Variants in FBN2 observed in about 807,000 individuals in gnomAD.
FBN2 encodes fibrillin 2.
A neutral mutation model predicts 355.6 loss-of-function variants in FBN2; 105 were observed. That is an observed-to-expected ratio of 0.30 (90% CI 0.25 to 0.35). FBN2 has a LOEUF of 0.35. Among genes scored for constraint, FBN2 ranks in the 10% least tolerant of loss-of-function variants. FBN2 has a pLI of 1.00. For missense variants in FBN2, 3,280 were observed against 3,758.7 expected, an observed-to-expected ratio of 0.87 and a Z score of 3.33; for synonymous variants, 1,350 against 1,301.2, an observed-to-expected ratio of 1.04 and a Z score of -0.81.
intron 5 of FBN2, among the ~76,000 whole-genome samples, chr5:128,508,424 G>A (rs150347863): frequency 6.6e-6 from 1 of 151,364 alleles, no homozygotes; most frequent in East Asian, 1.9e-4. Flanking sequence ...TGTATTTTTA[G>A]TGCTTACTCT....
chr5:128,495,402 A>T (rs1755628820), intron 5 of FBN2, among the ~76,000 whole-genome samples: 1 of 152,206 alleles, frequency 6.6e-6, no homozygotes, highest in Non-Finnish European at 1.5e-5. Flanking sequence ...TCAGAGAAAC[A>T]GCAGAAAACT....
At chr5:128,269,938 C>G (rs1425717132) in intron 62 of FBN2, among the ~76,000 whole-genome samples, 1 of 152,182 alleles carries the variant, frequency 6.6e-6, no homozygotes, top group Non-Finnish European at 1.5e-5. Flanking sequence ...TACCTGTCTT[C>G]AAAGTATACA....
intron 5 of FBN2, among the ~76,000 whole-genome samples, chr5:128,486,055 CA>C (rs146084000): frequency 6.6e-6 from 1 of 151,990 alleles, no homozygotes; most frequent in Non-Finnish European, 1.5e-5. Flanking sequence ...AGTTTAACTG[CA>C]AAAAAATCAG....
chr5:128,489,243 T>C (rs527866441), intron 5 of FBN2, among the ~76,000 whole-genome samples: 34 of 152,348 alleles, frequency 2.2e-4, no homozygotes, highest in African/African-American at 7.9e-4. Flanking sequence ...TAGAAATGAA[T>C]ATTTCTATGC....
rs149529304 is a variant in FBN2, at chr5:128,340,219, C to T, written c.3344-1158G>A. ...GTCAGTGGGGAAAAATGCCCCACTA[C>T]GATCTCTTTATTTTGATGAACTTAA... On this transcript the variant is annotated intron_variant, in intron 25 of 64. Coordinates refer to ENST00000262464, the MANE Select transcript of FBN2 (RefSeq NM_001999.4). Among the ~76,000 whole-genome samples the T allele has an allele frequency of 4.3e-3, 662 of 152,210 alleles. 5 individuals carry two copies. Among genetic ancestry groups the T allele is most frequent in the African/African-American group, 0.015 (620 of 41,544 alleles).
chr5:128,502,852 C>A (rs1581353613), intron 5 of FBN2, among the ~76,000 whole-genome samples: 1 of 152,102 alleles, frequency 6.6e-6, no homozygotes, highest in Admixed American at 6.5e-5. Flanking sequence ...CAGAAAATTC[C>A]TCTTCTTTAT....
intron 32 of FBN2, among the ~76,000 whole-genome samples, chr5:128,331,921 C>T (rs467610): frequency 0.3 from 45,278 of 151,744 alleles, 7,412 homozygotes; most frequent in East Asian, 0.69. Flanking sequence ...CATGGGGCTA[C>T]GAAAATGGGA....
intron 54 of FBN2, 96 bp downstream of exon 54, chr5:128,287,212 G>T: frequency 7.3e-7 from 1 of 1,368,810 alleles, no homozygotes; most frequent in Non-Finnish European, 1.0e-6. Context: ...TTTCTGTAAA[G>T]CTCTAGAAGA....
At chr5:128,509,220 G>A (rs1360426671) in intron 5 of FBN2, among the ~76,000 whole-genome samples, 1 of 152,040 alleles carries the variant, frequency 6.6e-6, no homozygotes, top group Non-Finnish European at 1.5e-5. Context: ...CTAAATATAT[G>A]TATTTAGTTT....
intron 8 of FBN2, among the ~76,000 whole-genome samples, chr5:128,408,409 A>G (rs1752985168): frequency 6.6e-6 from 1 of 152,188 alleles, no homozygotes; most frequent in South Asian, 2.1e-4. Context: ...AGCAGATTTT[A>G]AAAAATTTTT....
chr5:128,373,393 G>A (rs760627412), intron 15 of FBN2, among the ~76,000 whole-genome samples: 7 of 152,206 alleles, frequency 4.6e-5, no homozygotes, highest in East Asian at 1.9e-4. Context: ...TGACAACTTT[G>A]TAGGGTGAAA....
At chr5:128,522,940 GT>G (rs1210918084) in intron 4 of FBN2, among the ~76,000 whole-genome samples, 2 of 152,114 alleles carry the variant, frequency 1.3e-5, no homozygotes, top group African/African-American at 4.8e-5. Context: ...GTATGAGCTG[GT>G]TTCTTAGCTG....
chr5:128,440,955 T>C (rs1349605193), intron 7 of FBN2, among the ~76,000 whole-genome samples: 3 of 152,252 alleles, frequency 2.0e-5, no homozygotes, highest in East Asian at 1.9e-4. Flanking sequence ...AGTGCTTAAA[T>C]TGGTCAATCT....
At chr5:128,334,107 A>G (rs1376297511) in intron 31 of FBN2, among the ~76,000 whole-genome samples, 2 of 152,088 alleles carry the variant, frequency 1.3e-5, no homozygotes, top group Non-Finnish European at 2.9e-5. Flanking sequence ...AAAGGCTAAA[A>G]CTAGTTAGTA....
Position 128,345,578 on chromosome 5 carries a change from C to T in FBN2, c.2996G>A (p.Arg999His), listed in dbSNP as rs1342942240. The change falls in exon 24 of 65, where the codon CGC (arginine) becomes CAC (histidine). Residue 999 changes from arginine to histidine, a missense_variant. By Grantham distance (29) the Arg-to-His change is conservative. This residue lies in a region of FBN2 where 2,284 missense variants were observed against 2,749.5 expected (regional missense o/e 0.83). Transcript: ENST00000262464. ...CCACTTCAAGTAACACTGCTCCATG[C>T]GAATATCTACACCGAGAACGAAATC... is the stretch of plus-strand genomic sequence containing the variant. ...DGTGRVCLDI[R>H]MEQCYLKWDE... The T allele has an allele frequency of 6.2e-6, 10 of 1,612,748 alleles. No homozygotes were observed. The highest frequency in any genetic ancestry group is 2.2e-5 in the East Asian group (1 of 44,864).
At chr5:128,343,951 C>G (rs1751097931) in intron 25 of FBN2, among the ~76,000 whole-genome samples, 1 of 152,130 alleles carries the variant, frequency 6.6e-6, no homozygotes, top group African/African-American at 2.4e-5. Flanking sequence ...ATTTACAGAG[C>G]TGGATGCCGT....
At chr5:128,387,634 T>C (rs1752402957) in intron 11 of FBN2, among the ~76,000 whole-genome samples, 2 of 152,192 alleles carry the variant, frequency 1.3e-5, no homozygotes, top group South Asian at 4.1e-4. Flanking sequence ...TTTAGCTGTG[T>C]CCTACAGATT....
chr5:128,333,674 G>A (rs1469245089), intron 31 of FBN2, among the ~76,000 whole-genome samples: 1 of 151,820 alleles, frequency 6.6e-6, no homozygotes, highest in Non-Finnish European at 1.5e-5. Context: ...GCCAGTGTGT[G>A]TGTGTGCGTG....
chr5:128,397,469 T>C, intron 8 of FBN2, among the ~76,000 whole-genome samples: 1 of 152,170 alleles, frequency 6.6e-6, no homozygotes, highest in East Asian at 1.9e-4. Flanking sequence ...AACCATAGCC[T>C]TGAGTCAAGA....
Sources: allele counts gnomAD v4.1 joint callset (sites outside exome capture counted in the v4.1 genomes callset), GRCh38; gene constraint gnomAD v4.1.1; regional missense constraint gnomAD v4.1.1; transcripts MANE v1.5; gene names NCBI Gene and HGNC (gene_info 2026-07-23, HGNC 2026-07-21).